The following COG3 variants were observed in gnomAD, a reference collection of about 807,000 sequenced individuals.
The protein encoded by COG3 is conserved oligomeric Golgi complex subunit 3.
COG3 carries 32 observed loss-of-function variants against 114.1 expected under a neutral mutation model. The ratio of observed to expected loss-of-function variants is 0.28; its 90% CI spans 0.21 to 0.38. The LOEUF is 0.38. Ranked by LOEUF, COG3 falls within the 10% of genes least tolerant of loss-of-function variation. The pLI, the probability that COG3 is intolerant of heterozygous loss-of-function variation, is 1.00. For synonymous variants in COG3, 352 were observed against 365.7 expected (o/e 0.96, Z 0.43); for missense variants, 813 against 973.2 (o/e 0.84, Z 2.19).
At chr13:45,510,560 C>T (rs914742888) in intron 15 of COG3, among the ~76,000 whole-genome samples, 3 of 152,130 alleles carry the variant, frequency 2.0e-5, no homozygotes, top group African/African-American at 4.8e-5. Context: ...AAGGAAAATA[C>T]GCAGGAGGCA....
At position 45,493,500 on chromosome 13, in the gene COG3, A is replaced by C; in HGVS notation, c.1327+14A>C. On this transcript the variant is annotated intron_variant, in intron 12 of 22. Transcript: ENST00000349995. Reference sequence around the variant, plus strand: ...TGCAGAACAATGGTAAATGAGTAGAAATGATCATTTTAAGTTATATCACTG... The same window carrying C: ...TGCAGAACAATGGTAAATGAGTAGACATGATCATTTTAAGTTATATCACTG... 1 of 1,606,066 alleles carries C rather than the reference A, an allele frequency of 6.2e-7. No homozygotes were observed.
At chr13:45,508,008 G>A (rs1870367348) in intron 14 of COG3, among the ~76,000 whole-genome samples, 2 of 138,238 alleles carry the variant, frequency 1.4e-5, no homozygotes, top group Admixed American at 8.0e-5. Context: ...GGTGGAGGTT[G>A]CAGTGGGCTG....
chr13:45,529,762 T>C, intron 20 of COG3, 29 bp from the exon 21 acceptor site: 1 of 1,547,532 alleles, frequency 6.5e-7, no homozygotes, highest in Middle Eastern at 1.7e-4. Context: ...TTTTTCTTTA[T>C]GACACTAATG....
Position 45,480,258 on chromosome 13 carries a change from C to T in COG3, c.517C>T (p.His173Tyr). The change falls in exon 4 of 23, where the codon CAT becomes TAT. Residue 173 changes from histidine to tyrosine, a missense_variant. Transcript: ENST00000349995. ...TGTGTCCAATAAGACAGGAACCCTA[C>T]ATGAAGCCTGTGAACAGCTCCTAAA... ...LFVSNKTGTL[H>Y]EACEQLLKEQ... is the part of the protein sequence containing the mutation. The T allele has an allele frequency of 6.2e-7, 1 of 1,613,406 alleles. No individual in the cohort carries two copies. Among genetic ancestry groups the T allele is most frequent in the Non-Finnish European group, 8.5e-7 (1 of 1,179,498 alleles).
chr13:45,480,246 A>G lies in COG3; in HGVS notation c.505A>G (p.Thr169Ala), dbSNP rs894183782. 6.2e-7 allele frequency: 1 copy of G among 1,613,934 alleles called. No individual in the cohort carries two copies. The highest frequency in any genetic ancestry group is 1.3e-5 in the African/African-American group (1 of 75,056). The change falls in exon 4 of 23, where the codon ACA becomes GCA. Residue 169 changes from threonine (T) to alanine (A), a missense_variant. Physicochemically the swap from Thr to Ala is moderately conservative, Grantham distance 58 (BLOSUM62 0). Transcript: ENST00000349995. ...QKQYLFVSNKTGTLHEACEQL... is the reference protein window; with the variant it reads ...QKQYLFVSNKAGTLHEACEQL... ...ACAGTATCTTTTTGTGTCCAATAAG[A>G]CAGGAACCCTACATGAAGCCTGTGA...
Position 45,534,187 on chromosome 13 carries a change from G to A in COG3, c.2458-515G>A, listed in dbSNP as rs894798520. Among the ~76,000 whole-genome samples, 9 of 152,238 alleles carry A rather than the reference G, an allele frequency of 5.9e-5. No homozygotes were observed. The South Asian group carries it at 1.0e-3, about 18-fold the overall frequency. ...TGTGCGTTTTAAAAAGTCACTTAAAGGACAGCTTACAACTCTTCCAACAAC... is the reference window on the plus strand; with the variant it reads ...TGTGCGTTTTAAAAAGTCACTTAAAAGACAGCTTACAACTCTTCCAACAAC... On this transcript the variant is annotated intron_variant, in intron 22 of 22. Coordinates refer to ENST00000349995, the MANE Select transcript of COG3 (RefSeq NM_031431.4).
chr13:45,504,613 G>A (rs996584783), intron 14 of COG3, among the ~76,000 whole-genome samples: 1 of 152,144 alleles, frequency 6.6e-6, no homozygotes, highest in South Asian at 2.1e-4. Flanking sequence ...GGTGGTGTTG[G>A]GGGGATGGAG....
At position 45,482,405 on chromosome 13, in the gene COG3, G is replaced by T. The variant is rs1272187375; in HGVS notation, c.649G>T (p.Val217Leu). ...NTKLNSPTLS[V>L]NSDGFIPMLA... ...GAAATTGAATTCCCCTACATTGTCG[G>T]TGAATAGTGACGGATTTATACCTAT... Residue 217 changes from valine to leucine, a missense_variant, in exon 6 of 23, where the codon GTG becomes TTG. Around this residue, in one of 2 missense-constraint regions of COG3, gnomAD observed 424 missense variants for 430.6 expected, o/e 0.98. Coordinates refer to ENST00000349995, the MANE Select transcript of COG3 (RefSeq NM_031431.4). 1 of 1,557,504 alleles carries T rather than the reference G, an allele frequency of 6.4e-7. No homozygotes were observed. The highest frequency in any genetic ancestry group is 8.8e-7 in the Non-Finnish European group (1 of 1,134,482).
At chr13:45,503,371 G>A (rs1389258743) in intron 14 of COG3, 22 bp downstream of exon 14, 2 of 1,220,922 alleles carry the variant, frequency 1.6e-6, no homozygotes, top group Non-Finnish European at 2.4e-6. Context: ...TGTCTTAACT[G>A]CCAGCATTTA....
In COG3 at chr13:45,534,810, AGG is replaced by A; in HGVS notation, c.*80_*81del. The stretch of plus-strand genomic sequence containing the variant: ...AAGTCTTGCAGTCTGCAGGACACCG[AGG>A]AATCGTATGTGGGAACGTCCCCGAG... On this transcript the variant is annotated 3_prime_UTR_variant, in exon 23 of 23. Coordinates refer to ENST00000349995, the MANE Select transcript of COG3 (RefSeq NM_031431.4). The A allele has an allele frequency of 1.3e-6, 2 of 1,485,238 alleles. No homozygotes were observed. Among genetic ancestry groups the A allele is most frequent in the Non-Finnish European group, 1.8e-6 (2 of 1,119,790 alleles). The allele number at this position is 1,485,238 out of a possible 1,614,324, so 92.0% of individuals were successfully genotyped here.
In COG3 at chr13:45,480,190, G is replaced by A. The variant is rs768584251; in HGVS notation, c.449G>A (p.Ser150Asn). ...GATGCTATATTGAATGATGTAAACA[G>A]TGCTCTTCAGCATCTGGAGTCTTTG... ...QCDAILNDVN[S>N]ALQHLESLQK... Residue 150 changes from serine to asparagine, a missense_variant, in exon 4 of 23, where the codon AGT becomes AAT. Physicochemically the swap from Ser to Asn is conservative, Grantham distance 46. Transcript: ENST00000349995. 1 of 1,613,628 alleles carries A rather than the reference G, an allele frequency of 6.2e-7. No homozygotes were observed. Among genetic ancestry groups the A allele is most frequent in the South Asian group, 1.1e-5 (1 of 91,062 alleles).
Position 45,490,897 on chromosome 13 carries a change from T to G in COG3, c.925-18T>G. 1 of 1,535,368 alleles carries G rather than the reference T, an allele frequency of 6.5e-7. No individual in the cohort carries two copies. The highest frequency in any genetic ancestry group is 2.3e-5 in the East Asian group (1 of 43,590). ...ATAACAGAGATGGTTTTTTGATGCA[T>G]TTTTTCTTACTTTGCAGACTCTTAT... On this transcript the variant is annotated intron_variant, in intron 8 of 22. Transcript: ENST00000349995.
chr13:45,500,167 G>A (rs2137852660), intron 13 of COG3, among the ~76,000 whole-genome samples: 1 of 150,892 alleles, frequency 6.6e-6, no homozygotes, highest in Non-Finnish European at 1.5e-5. Flanking sequence ...CAGTTTTGGT[G>A]CTGGTGAATT....
intron 20 of COG3, 96 bp from the exon 21 acceptor site, chr13:45,529,695 C>G (rs1053806613): frequency 2.4e-6 from 2 of 817,788 alleles, no homozygotes; most frequent in South Asian, 2.2e-5. Flanking sequence ...GTCTTTTCTT[C>G]TGCTATTTTT....
intron 16 of COG3, among the ~76,000 whole-genome samples, chr13:45,515,847 A>C (rs1871483847): frequency 6.6e-6 from 1 of 152,122 alleles, no homozygotes; most frequent in Non-Finnish European, 1.5e-5. Flanking sequence ...CATCTCTTCT[A>C]CCTCTGCACC....
At chr13:45,466,283 C>T (rs1885135958) in intron 1 of COG3, among the ~76,000 whole-genome samples, 1 of 152,192 alleles carries the variant, frequency 6.6e-6, no homozygotes, top group South Asian at 2.1e-4. Context: ...AAGTGATCTG[C>T]CCGCCTCGGC....
chr13:45,484,524 A>G (rs1886444960), intron 7 of COG3, among the ~76,000 whole-genome samples: 1 of 152,044 alleles, frequency 6.6e-6, no homozygotes, highest in East Asian at 1.9e-4. Context: ...ATTATTTCTC[A>G]TGTGTAGCCA....
rs8000044 is a variant in COG3 at position 45,524,972 on chromosome 13, T to C, written c.2155-4T>C. 855 of 1,612,816 alleles carry C rather than the reference T, an allele frequency of 5.3e-4. 9 individuals are homozygous for C. The African/African-American group carries it at 9.0e-3, about 17-fold the overall frequency. On this transcript the variant is annotated splice_polypyrimidine_tract_variant and splice_region_variant and intron_variant, in intron 19 of 22. Coordinates refer to ENST00000349995, the MANE Select transcript of COG3 (RefSeq NM_031431.4). ...ACTTTTTTTCTTTTTGTCTCCTCTA[T>C]TAGGTTTCAGCGTTAAAAACAATGG...
In COG3 at chr13:45,535,079, T is replaced by C. The variant is rs1566278308; in HGVS notation, c.*348T>C. On this transcript the variant is annotated 3_prime_UTR_variant, in exon 23 of 23. Coordinates refer to ENST00000349995, the MANE Select transcript of COG3 (RefSeq NM_031431.4). Reference sequence around the variant, plus strand: ...GATTACAATAAGTAGTGCAAAGAACTTTACAGAAATCAAGCGAATTAGAAG... The same window carrying C: ...GATTACAATAAGTAGTGCAAAGAACCTTACAGAAATCAAGCGAATTAGAAG... 3 of 1,055,928 alleles carry C rather than the reference T, an allele frequency of 2.8e-6. No homozygotes were observed. In the East Asian group the frequency reaches 2.2e-4, roughly 76 times the overall value. 65.4% of individuals were successfully genotyped at this position (1,055,928 alleles called of 1,614,324 possible).
Sources: gnomAD v4.1 joint callset for allele counts (sites outside exome capture counted in the v4.1 genomes callset) on GRCh38, gnomAD v4.1.1 for gene constraint, gnomAD v4.1.1 regional missense constraint, MANE v1.5 for transcripts, NCBI Gene and HGNC (gene_info 2026-07-23, HGNC 2026-07-21) for gene names.